Variants in S100A12 observed in about 807,000 individuals in gnomAD.
S100A12 encodes S100 calcium binding protein A12.
A neutral mutation model predicts 4.0 loss-of-function variants in S100A12; 3 were observed. That is an observed-to-expected ratio of 0.75 (90% CI 0.34 to 1.94). The LOEUF (loss-of-function observed/expected upper bound fraction) is 1.94. Ranked by LOEUF, S100A12 falls within the 30% of genes most tolerant of loss-of-function variation. The probability of loss-of-function intolerance (pLI) is 0.07; values close to 1 mark genes in which losing one functional copy is unlikely to be tolerated. For synonymous variants in S100A12, 50 were observed against 41.4 expected (o/e 1.21, Z -0.79); for missense variants, 122 against 107.0 (o/e 1.14, Z -0.62).
At chr1:153,374,344 A>C in intron 2 of S100A12, 111 bp downstream of exon 2, 1 of 1,114,268 alleles carries the variant, frequency 9.0e-7, no homozygotes, top group Non-Finnish European at 1.3e-6. Context: ...TGGGAGCTCA[A>C]ACTGGGGCCA....
intron 2 of S100A12, 78 bp from the exon 3 acceptor site, chr1:153,374,045 A>G: frequency 7.1e-7 from 1 of 1,411,952 alleles, no homozygotes; most frequent in Non-Finnish European, 1.0e-6. Context: ...TATCCCTCAG[A>G]GCTCGGGTTG....
chr1:153,374,178 C>T, intron 2 of S100A12: 1 of 689,652 alleles, frequency 1.5e-6, no homozygotes, highest in Non-Finnish European at 2.6e-6. Context: ...GGAAGGTACT[C>T]TTCTGCTCAC....
In S100A12 at chr1:153,373,985, C is replaced by G. The variant is rs925552665; in HGVS notation, c.139-18G>C. On this transcript the variant is annotated intron_variant, in intron 2 of 2. Transcript: ENST00000368737. The stretch of plus-strand genomic sequence containing the variant: ...TTGATATTCTAGGAAAAAAGGACAA[C>G]AGAGACCTTGAGTTCAGAACCTCCA... The G allele has an allele frequency of 2.5e-6, 4 of 1,613,004 alleles. No homozygotes were observed. The African/African-American group carries it at 4.0e-5, about 16-fold the overall frequency.
At position 153,374,412 on chromosome 1, in the gene S100A12, G is replaced by T. The variant is rs1183769940; in HGVS notation, c.138+43C>A. 1.9e-6 allele frequency: 3 copies of T among 1,590,552 alleles called. No individual in the cohort carries two copies. In the East Asian group the frequency reaches 6.7e-5, roughly 36 times the overall value. ...GCCAGGCCTTGCCACTCCCCTCAGT[G>T]CAGGGTCATGGGCAAGTTTGCAGTG... On this transcript the variant is annotated intron_variant, in intron 2 of 2. Transcript: ENST00000368737.
chr1:153,374,051 G>A, intron 2 of S100A12, 84 bp from the exon 3 acceptor site: 1 of 1,283,704 alleles, frequency 7.8e-7, no homozygotes, highest in Non-Finnish European at 1.1e-6. Flanking sequence ...TCAGAGCTCG[G>A]GTTGTGAAGG....
At chr1:153,375,108 G>A (rs1230462483) in intron 1 of S100A12, among the ~76,000 whole-genome samples, 2 of 152,152 alleles carry the variant, frequency 1.3e-5, no homozygotes, top group Non-Finnish European at 2.9e-5. Flanking sequence ...GTGCAGTAGG[G>A]CGATCTCGGC....
intron 2 of S100A12, 128 bp from the exon 3 acceptor site, chr1:153,374,095 T>C: frequency 1.1e-6 from 1 of 883,140 alleles, no homozygotes; most frequent in South Asian, 1.3e-5. Flanking sequence ...CAACACTGTG[T>C]TGGAGAATCC....
chr1:153,374,075 A>T, intron 2 of S100A12, 108 bp from the exon 3 acceptor site: 4 of 996,864 alleles, frequency 4.0e-6, no homozygotes, highest in Non-Finnish European at 6.4e-6. Context: ...AGGCACATTA[A>T]CTCATTAGCC....
At chr1:153,375,086 G>A (rs1025119283) in intron 1 of S100A12, among the ~76,000 whole-genome samples, 3 of 151,960 alleles carry the variant, frequency 2.0e-5, no homozygotes, top group Non-Finnish European at 4.4e-5. Flanking sequence ...TCACTCTGCC[G>A]CCCAGGCTGG....
intron 1 of S100A12, 43 bp from the exon 2 acceptor site, chr1:153,374,655 C>A: frequency 7.4e-7 from 1 of 1,351,918 alleles, no homozygotes; most frequent in South Asian, 1.2e-5. Flanking sequence ...TTCTCCCCCA[C>A]CCCTCAACCT....
Position 153,374,573 on chromosome 1 carries a change from T to A in S100A12, c.20A>T (p.His7Leu). 6.2e-7 allele frequency: 1 copy of A among 1,614,010 alleles called. No homozygotes were observed. Among genetic ancestry groups the A allele is most frequent in the Non-Finnish European group, 8.5e-7 (1 of 1,179,902 alleles). The change falls in exon 2 of 3, where the codon CAT becomes CTT. Residue 7 changes from histidine to leucine, a missense_variant. By Grantham distance (99) the His-to-Leu change is moderately conservative. Transcript: ENST00000368737. MTKLEE[H>L]LEGIVNIFHQ... ...GAAGATATTGACAATTCCCTCCAGATGCTCTTCAAGTTTTGTCATCTTCCC... is the reference window on the plus strand; with the variant it reads ...GAAGATATTGACAATTCCCTCCAGAAGCTCTTCAAGTTTTGTCATCTTCCC...
At chr1:153,374,745 G>C in intron 1 of S100A12, 133 bp from the exon 2 acceptor site, 1 of 645,292 alleles carries the variant, frequency 1.5e-6, no homozygotes, top group Non-Finnish European at 2.7e-6. Context: ...TCTCTGCTCT[G>C]TTTGATCCAT....
chr1:153,374,315 C>T (rs1248747662), intron 2 of S100A12, 140 bp downstream of exon 2: 1 of 743,058 alleles, frequency 1.3e-6, no homozygotes. Context: ...TCTCCCACAG[C>T]AGCGGGGAGA....
chr1:153,373,916 T>C lies in S100A12; in HGVS notation c.190A>G (p.Asn64Asp), dbSNP rs989534658. Residue 64 changes from asparagine (N) to aspartate (D), a missense_variant, in exon 3 of 3, where the codon AAT becomes GAT. Coordinates refer to ENST00000368737, the MANE Select transcript of S100A12 (RefSeq NM_005621.2). ...TGAAAGTCGACCTGTTCATCTTGAT[T>C]AGCATCCAGGCCTTGGAATATTTCA... The part of the protein sequence containing the change: ...IDEIFQGLDA[N>D]QDEQVDFQEF... The C allele has an allele frequency of 1.9e-6, 3 of 1,613,034 alleles. No individual in the cohort carries two copies. The highest frequency in any genetic ancestry group is 1.3e-5 in the African/African-American group (1 of 75,016).
Position 153,373,780 on chromosome 1 carries a change from G to A in S100A12, c.*47C>T. 1 of 1,541,046 alleles carries A rather than the reference G, an allele frequency of 6.5e-7. No homozygotes were observed. Among genetic ancestry groups the A allele is most frequent in the Non-Finnish European group, 9.0e-7 (1 of 1,116,702 alleles). On this transcript the variant is annotated 3_prime_UTR_variant, in exon 3 of 3. Transcript: ENST00000368737. Reference sequence around the variant, plus strand: ...CTGGGTTTTGGTGAGGGAAAGAAAAGACCCTCATTGAGGACATTGCTGGGT... The same window carrying A: ...CTGGGTTTTGGTGAGGGAAAGAAAAAACCCTCATTGAGGACATTGCTGGGT...
chr1:153,374,425 C>T (rs367754252), intron 2 of S100A12, 30 bp downstream of exon 2: 6 of 1,601,432 alleles, frequency 3.7e-6, no homozygotes, highest in Non-Finnish European at 5.1e-6. Context: ...GGGTCATGGG[C>T]AAGTTTGCAG....
At chr1:153,375,125 C>A (rs763183984) in intron 1 of S100A12, among the ~76,000 whole-genome samples, 22 of 152,192 alleles carry the variant, frequency 1.4e-4, no homozygotes, top group Non-Finnish European at 2.8e-4. Flanking sequence ...CGGCTCACTG[C>A]AAGTTCTGCC....
rs1661689709 is a variant in S100A12, at chr1:153,374,695, G to A, written c.-20-83C>T. 4.3e-6 allele frequency: 4 copies of A among 927,984 alleles called. No individual in the cohort carries two copies. In the South Asian group the frequency reaches 4.7e-5, roughly 11 times the overall value. 57.5% of individuals were successfully genotyped at this position (927,984 alleles called of 1,614,324 possible). A position where few individuals can be genotyped will look rare whatever the true frequency, so the allele number is the denominator to read the frequency against. On this transcript the variant is annotated intron_variant, in intron 1 of 2. Coordinates refer to ENST00000368737, the MANE Select transcript of S100A12 (RefSeq NM_005621.2). ...TCTCCCCTCTCTTTCTGAATCAAGG[G>A]CCTAAAGAAAACATAACATCCTCCA...
intron 1 of S100A12, among the ~76,000 whole-genome samples, chr1:153,374,984 G>T (rs3014883): frequency 0.017 from 2,663 of 152,280 alleles, 84 homozygotes; most frequent in African/African-American, 0.059. Context: ...CCCACAAATG[G>T]TCCATAACCC....
Sources: gnomAD v4.1 joint callset for allele counts (sites outside exome capture counted in the v4.1 genomes callset) on GRCh38, gnomAD v4.1.1 for gene constraint, MANE v1.5 for transcripts, NCBI Gene and HGNC (gene_info 2026-07-23, HGNC 2026-07-21) for gene names.